FER1L6: variants seen among roughly 807,000 people sequenced by gnomAD.
FER1L6 encodes fer-1 like family member 6.
Under a neutral mutation model 219.2 loss-of-function variants are expected in FER1L6, and 177 were observed. That is an observed-to-expected ratio of 0.81 (90% CI 0.71 to 0.91). FER1L6 has a LOEUF of 0.91. Among genes scored for constraint, FER1L6 ranks in the 40% least tolerant of loss-of-function variants. The pLI, the probability that FER1L6 is intolerant of heterozygous loss-of-function variation, is 0.00. For missense variants in FER1L6, 2,153 were observed against 2,259.9 expected (o/e 0.95, Z 0.96); for synonymous variants, 768 against 824.3 (o/e 0.93, Z 1.17).
chr8:123,859,793 A>C (rs1464293892), intron 1 of FER1L6, among the ~76,000 whole-genome samples: 2 of 138,158 alleles, frequency 1.4e-5, no homozygotes, highest in East Asian at 2.1e-4. Context: ...ATGAGTGAGA[A>C]TATGCGGTGT....
Position 124,097,797 on chromosome 8 carries a change from A to T in FER1L6, c.4797A>T (p.Arg1599Ser). 6.3e-7 allele frequency: 1 copy of T among 1,590,746 alleles called. No homozygotes were observed. The highest frequency in any genetic ancestry group is 8.6e-7 in the Non-Finnish European group (1 of 1,158,580). Residue 1599 changes from arginine (R) to serine (S), a missense_variant, in exon 37 of 41, where the codon AGA (arginine) becomes AGT (serine). By Grantham distance (110) the Arg-to-Ser change is moderately radical. Coordinates refer to ENST00000522917, the MANE Select transcript of FER1L6 (RefSeq NM_001039112.2). ...SPRRPKGYEL[R>S]VTIWNTEDVI... The stretch of plus-strand genomic sequence containing the variant: ...TCTCCCATCCCAGATACGAATTGAG[A>T]GTGACCATCTGGAACACTGAAGATG...
At chr8:124,059,592 C>T (rs1206647398) in intron 22 of FER1L6, among the ~76,000 whole-genome samples, 2 of 152,140 alleles carry the variant, frequency 1.3e-5, no homozygotes, top group Non-Finnish European at 2.9e-5. Flanking sequence ...TGAAATTGTC[C>T]TGAAGTTTCA....
chr8:124,009,176 C>T (rs1817799720), intron 13 of FER1L6, among the ~76,000 whole-genome samples: 1 of 152,178 alleles, frequency 6.6e-6, no homozygotes, highest in African/African-American at 2.4e-5. Context: ...GGAAAAGTTA[C>T]TTTTCTTCCT....
At chr8:124,049,781 G>C (rs146024407) in intron 22 of FER1L6, 25 bp downstream of exon 22, 2 of 1,612,984 alleles carry the variant, frequency 1.2e-6, no homozygotes, top group Non-Finnish European at 1.7e-6. Context: ...TGTGGCACGA[G>C]ATCTATTAGG....
At chr8:123,996,580 C>T (rs1817145315) in intron 12 of FER1L6, among the ~76,000 whole-genome samples, 1 of 151,862 alleles carries the variant, frequency 6.6e-6, no homozygotes, top group Non-Finnish European at 1.5e-5. Flanking sequence ...TTTATTTATT[C>T]TGCCACTGTA....
chr8:123,895,526 G>C (rs1012228002), intron 1 of FER1L6, among the ~76,000 whole-genome samples: 1 of 152,200 alleles, frequency 6.6e-6, no homozygotes, highest in African/African-American at 2.4e-5. Flanking sequence ...GAGAAATGTA[G>C]TAACTTGCCC....
At position 123,980,525 on chromosome 8, in the gene FER1L6, G is replaced by T. The variant is rs183015813; in HGVS notation, c.1124G>T (p.Ser375Ile). 3.5e-5 allele frequency: 57 copies of T among 1,614,144 alleles called. No homozygotes were observed. In the East Asian group the frequency reaches 1.1e-3, roughly 32 times the overall value. ...CTGTATGGCTCGCCCAGGAACCACA[G>T]TCTGATGGATGACTACCAGGAAATG... ...INLYGSPRNH[S>I]LMDDYQEMNE... is the part of the protein sequence containing the mutation. The change falls in exon 11 of 41, where the codon AGT becomes ATT. Residue 375 changes from serine (S) to isoleucine (I), a missense_variant. Transcript: ENST00000522917.
intron 26 of FER1L6, 75 bp from the exon 27 acceptor site, chr8:124,066,353 C>T: frequency 1.9e-6 from 3 of 1,539,604 alleles, no homozygotes; most frequent in African/African-American, 2.8e-5. Context: ...TGTTTTCTTC[C>T]TCACAAGCCA....
intron 33 of FER1L6, among the ~76,000 whole-genome samples, chr8:124,083,734 AAT>A (rs58225801): frequency 0.035 from 5,268 of 152,250 alleles, 290 homozygotes; most frequent in African/African-American, 0.12. Context: ...TTTCACTTAG[AAT>A]ATAGCTTTGG....
chr8:123,907,306 A>G (rs1308851284), intron 1 of FER1L6, among the ~76,000 whole-genome samples: 1 of 152,198 alleles, frequency 6.6e-6, no homozygotes, highest in Non-Finnish European at 1.5e-5. Flanking sequence ...GGAAGCAGAC[A>G]TAGGTACAGG....
intron 13 of FER1L6, among the ~76,000 whole-genome samples, chr8:124,008,789 A>T (rs951997900): frequency 6.6e-6 from 1 of 152,106 alleles, no homozygotes; most frequent in African/African-American, 2.4e-5. Context: ...AAGAAAAAAA[A>T]CTCATCAAAA....
intron 20 of FER1L6, among the ~76,000 whole-genome samples, chr8:124,041,979 A>G (rs892180192): frequency 6.6e-6 from 1 of 152,112 alleles, no homozygotes; most frequent in Non-Finnish European, 1.5e-5. Flanking sequence ...CCAGGACAGT[A>G]CCTTGCTTAA....
In FER1L6 at chr8:123,908,381, T is replaced by G. The variant is rs573722017; in HGVS notation, c.-7-47611T>G. On this transcript the variant is annotated intron_variant, in intron 1 of 40. Coordinates refer to ENST00000522917, the MANE Select transcript of FER1L6 (RefSeq NM_001039112.2). ...GTATTGATTCAGGGCCAAAGCAAAT[T>G]TATTGCTCTTGCTACTCTTTGGAAA... 5.8e-4 allele frequency among the ~76,000 whole-genome samples: 88 copies of G among 152,350 alleles called. 1 individual carries two copies. The highest frequency in any genetic ancestry group is 1.1e-3 in the Non-Finnish European group (76 of 68,026).
intron 1 of FER1L6, among the ~76,000 whole-genome samples, chr8:123,883,598 CA>C (rs1485016338): frequency 2.6e-5 from 4 of 152,148 alleles, no homozygotes; most frequent in Non-Finnish European, 4.4e-5. Context: ...GCTGCTATAA[CA>C]AAATGCTACA....
Position 123,966,200 on chromosome 8 carries a change from G to C in FER1L6, c.294G>C (p.Glu98Asp), listed in dbSNP as rs575463646. 6.2e-7 allele frequency: 1 copy of C among 1,614,110 alleles called. No homozygotes were observed. Among genetic ancestry groups the C allele is most frequent in the East Asian group, 2.2e-5 (1 of 44,866 alleles). ...TITEARQLVG[E>D]NIDPVVTIEI... ...CCGAGGCTCGCCAGCTGGTGGGTGA[G>C]AACATTGACCCAGTTGTGACCATTG... Residue 98 changes from glutamate to aspartate, a missense_variant, in exon 5 of 41, where the codon GAG becomes GAC. Transcript: ENST00000522917.
intron 1 of FER1L6, among the ~76,000 whole-genome samples, chr8:123,910,614 A>G (rs563987621): frequency 1.8e-4 from 27 of 152,234 alleles, no homozygotes; most frequent in Non-Finnish European, 2.9e-5. Flanking sequence ...TAACTGAAAC[A>G]TTGCCTCTAT....
chr8:124,065,244 A>T (rs879656843), intron 26 of FER1L6, among the ~76,000 whole-genome samples: 6 of 151,496 alleles, frequency 4.0e-5, no homozygotes, highest in Non-Finnish European at 8.8e-5. Flanking sequence ...AAAAAAAAAT[A>T]CAAAAAATTA....
chr8:124,009,747 G>A (rs1376960181), intron 13 of FER1L6, among the ~76,000 whole-genome samples: 6 of 152,096 alleles, frequency 3.9e-5, no homozygotes, highest in Non-Finnish European at 8.8e-5. Flanking sequence ...GAGTTGAGGA[G>A]CTGCAGACCC....
chr8:124,075,050 G>C (rs7826405), intron 31 of FER1L6, among the ~76,000 whole-genome samples: 121,310 of 152,138 alleles, frequency 0.8, 48,769 homozygotes, highest in Non-Finnish European at 0.86. Flanking sequence ...GGCCTAGGAT[G>C]TTACTGTCTG....
Sources: allele counts gnomAD v4.1 joint callset (sites outside exome capture counted in the v4.1 genomes callset), GRCh38; gene constraint gnomAD v4.1.1; transcripts MANE v1.5; gene names NCBI Gene and HGNC (gene_info 2026-07-23, HGNC 2026-07-21).